RRM2: variants seen among roughly 807,000 people sequenced by gnomAD.
RRM2 encodes the protein ribonucleotide reductase regulatory subunit M2, also known as ribonucleoside-diphosphate reductase subunit M2.
A neutral mutation model predicts 45.9 loss-of-function variants in RRM2; 6 were observed. The ratio of observed to expected loss-of-function variants is 0.13; its 90% CI spans 0.07 to 0.26. RRM2 has a LOEUF of 0.26. RRM2 is among the 10% of genes least tolerant of loss of function. The pLI is 1.00. For missense variants in RRM2, 343 were observed against 489.5 expected (o/e 0.70, Z 2.82); for synonymous variants, 177 against 173.0 (o/e 1.02, Z -0.18).
chr2:10,203,163 A>G (rs1664597198), intron 3 of RRM2, among the ~76,000 whole-genome samples: 1 of 152,346 alleles, frequency 6.6e-6, no homozygotes, highest in East Asian at 1.9e-4. Flanking sequence ...GAAAGCAGTA[A>G]TGTACCAGGA....
chr2:10,165,605 CA>C (rs1663663419), intron 3 of RRM2, among the ~76,000 whole-genome samples: 2 of 152,224 alleles, frequency 1.3e-5, no homozygotes, highest in African/African-American at 4.8e-5. Flanking sequence ...CAGTTTTAAA[CA>C]AGCTCTGGAA....
At chr2:10,124,107 T>A in intron 4 of RRM2, 4 of 344,192 alleles carry the variant, frequency 1.2e-5, no homozygotes, top group Non-Finnish European at 2.0e-5. Flanking sequence ...ATCTGCCCCC[T>A]CTTTTTTTTT....
intron 5 of RRM2, among the ~76,000 whole-genome samples, chr2:10,125,098 T>G (rs1336638678): frequency 2.0e-5 from 3 of 152,144 alleles, no homozygotes; most frequent in Admixed American, 6.6e-5. Context: ...TTTGAAAAAA[T>G]TCCTAGATGT....
chr2:10,171,100 G>A lies in RRM2; in HGVS notation n.482+28725G>A, dbSNP rs1264527987. On this transcript the variant is annotated intron_variant and non_coding_transcript_variant, in intron 3 of 3. Coordinates refer to the RRM2 transcript ENST00000381786. This position sits in a 1 kb window ranked among gnomAD's most constrained non-coding sequence, Gnocchi z 4.1. ...GCTGCGCCACTCATCATTATAGGCT[G>A]CGCCACTCATTATAGGCTGCGGGGC... Among the ~76,000 whole-genome samples the A allele has an allele frequency of 6.6e-6, 1 of 152,172 alleles. No homozygotes were observed. Among genetic ancestry groups the A allele is most frequent in the African/African-American group, 2.4e-5 (1 of 41,452 alleles).
intron 3 of RRM2, among the ~76,000 whole-genome samples, chr2:10,147,602 A>T (rs1663215455): frequency 6.6e-6 from 1 of 152,088 alleles, no homozygotes; most frequent in Admixed American, 6.6e-5. Context: ...TAAGCCATCC[A>T]CCCACCTTGG....
At position 10,131,140 on chromosome 2, in the gene RRM2, CTT is replaced by C. The variant is rs1662893141; in HGVS notation, c.*1757_*1758del. 1 of 152,126 alleles carries C rather than the reference CTT, an allele frequency of 6.6e-6. No homozygotes were observed. The highest frequency in any genetic ancestry group is 1.5e-5 in the Non-Finnish European group (1 of 68,028). 9.4% of individuals were successfully genotyped at this position (152,126 alleles called of 1,614,324 possible). On this transcript the variant is annotated 3_prime_UTR_variant, in exon 10 of 10. Transcript: ENST00000304567. ...TCTGTAATATGATACATTTTCCTATCTTTTAAGTTATTGTTACCTAAAGTTAA... is the reference window on the plus strand; with the variant it reads ...TCTGTAATATGATACATTTTCCTATCTTAAGTTATTGTTACCTAAAGTTAA...
intron 3 of RRM2, among the ~76,000 whole-genome samples, chr2:10,151,636 G>A (rs769911960): frequency 6.6e-6 from 1 of 152,108 alleles, no homozygotes. Context: ...CAGAATGACT[G>A]GGTCATATAG....
chr2:10,206,314 T>C (rs1216214791), intron 3 of RRM2, among the ~76,000 whole-genome samples: 1 of 151,896 alleles, frequency 6.6e-6, no homozygotes, highest in African/African-American at 2.4e-5. Flanking sequence ...TGGGTATTTA[T>C]GCACAAGAAA....
chr2:10,177,830 C>A (rs926587306), intron 3 of RRM2, among the ~76,000 whole-genome samples: 16 of 152,006 alleles, frequency 1.1e-4, no homozygotes, highest in African/African-American at 3.4e-4. Flanking sequence ...CTATGTTGAC[C>A]AGGCTGGTCT....
intron 3 of RRM2, among the ~76,000 whole-genome samples, chr2:10,144,828 G>A (rs370124292): frequency 6.6e-6 from 1 of 152,186 alleles, no homozygotes; most frequent in Non-Finnish European, 1.5e-5. Context: ...GCACCAAGGA[G>A]CTCAGCCAGC....
At chr2:10,167,393 C>T (rs968016706) in intron 3 of RRM2, among the ~76,000 whole-genome samples, 18 of 152,192 alleles carry the variant, frequency 1.2e-4, no homozygotes, top group Non-Finnish European at 2.1e-4. Flanking sequence ...TCTCACTGCT[C>T]GGCTTGGACT....
intron 3 of RRM2, among the ~76,000 whole-genome samples, chr2:10,174,727 C>T (rs1183562380): frequency 1.3e-5 from 2 of 152,028 alleles, no homozygotes; most frequent in Admixed American, 6.6e-5. Flanking sequence ...CTTAGCCAGG[C>T]GTGGTGGCAC....
chr2:10,192,542 G>C (rs916949400), intron 3 of RRM2: 2 of 154,654 alleles, frequency 1.3e-5, no homozygotes, highest in African/African-American at 4.8e-5. Context: ...CCTGGTGTGA[G>C]AGCAGTCTCA....
At chr2:10,144,506 G>C (rs1383080999) in intron 3 of RRM2, among the ~76,000 whole-genome samples, 1 of 152,138 alleles carries the variant, frequency 6.6e-6, no homozygotes, top group Non-Finnish European at 1.5e-5. Flanking sequence ...TTCTTACAGT[G>C]CTCAGCTTTT....
intron 3 of RRM2, among the ~76,000 whole-genome samples, chr2:10,149,543 C>T (rs1324273444): frequency 6.6e-6 from 1 of 152,136 alleles, no homozygotes; most frequent in African/African-American, 2.4e-5. Context: ...CTTGTTTTTC[C>T]TGTTCCTTTT....
chr2:10,127,423 T>A lies in RRM2; in HGVS notation c.798+203T>A. On this transcript the variant is annotated intron_variant, in intron 7 of 9. Coordinates refer to ENST00000304567, the MANE Select transcript of RRM2 (RefSeq NM_001034.4). The surrounding 1 kb of genome is among the most constrained non-coding windows in gnomAD (Gnocchi z 4.1). ...TACTTGCATTCTCAATATATTGTAA[T>A]ACATTTGTACATATGTATTCCCCTA... is the stretch of plus-strand genomic sequence containing the variant. 1 of 584,306 alleles carries A rather than the reference T, an allele frequency of 1.7e-6. No individual in the cohort carries two copies. The highest frequency in any genetic ancestry group is 3.0e-6 in the Non-Finnish European group (1 of 331,614). The allele number at this position is 584,306 out of a possible 1,614,324, so 36.2% of individuals were successfully genotyped here.
At chr2:10,161,125 G>A (rs367620055) in intron 3 of RRM2, among the ~76,000 whole-genome samples, 13 of 152,172 alleles carry the variant, frequency 8.5e-5, no homozygotes, top group Non-Finnish European at 1.9e-4. Context: ...TGGAGTGTGC[G>A]TGATCTCAGC....
chr2:10,195,821 C>T lies in RRM2; in HGVS notation n.483-14490C>T, dbSNP rs1013907595. ...AAGTAGTGACCTGGCCTGGCCGATG[C>T]TGTGTTAGGATAAACGTGCTAAGGA... is the stretch of plus-strand genomic sequence containing the variant. On this transcript the variant is annotated intron_variant and non_coding_transcript_variant, in intron 3 of 3. Coordinates refer to the RRM2 transcript ENST00000381786. The surrounding 1 kb of genome is among the most constrained non-coding windows in gnomAD (Gnocchi z 4.9). 1.3e-5 allele frequency among the ~76,000 whole-genome samples: 2 copies of T among 152,176 alleles called. No individual in the cohort carries two copies. The highest frequency in any genetic ancestry group is 4.8e-5 in the African/African-American group (2 of 41,438).
At chr2:10,157,918 C>G (rs1484257698) in intron 3 of RRM2, among the ~76,000 whole-genome samples, 7 of 152,118 alleles carry the variant, frequency 4.6e-5, no homozygotes, top group African/African-American at 1.7e-4. Flanking sequence ...ATGTTGGAAC[C>G]TCGGGCATCA....
Sources: gnomAD v4.1 joint callset for allele counts (sites outside exome capture counted in the v4.1 genomes callset) on GRCh38, gnomAD v4.1.1 for gene constraint, Gnocchi (gnomAD v3.1) non-coding constraint, MANE v1.5 for transcripts, NCBI Gene and HGNC (gene_info 2026-07-23, HGNC 2026-07-21) for gene names.